TTN: variants seen among roughly 807,000 people sequenced by gnomAD.
TTN encodes connectin.
TTN carries 1,525 observed loss-of-function variants against 3,223.0 expected under a neutral mutation model. The observed-to-expected ratio is 0.47, with a 90% CI of 0.45 to 0.49. The LOEUF is 0.49. Ranked by LOEUF, TTN falls within the 20% of genes least tolerant of loss-of-function variation. The pLI, the probability that TTN is intolerant of heterozygous loss-of-function variation, is 0.00. For missense variants in TTN, 40,786 were observed against 43,424.0 expected (o/e 0.94, Z 5.40); for synonymous variants, 14,094 against 15,161.0 (o/e 0.93, Z 5.17).
At position 178,591,257 on chromosome 2, in the gene TTN, T is replaced by C; in HGVS notation, c.60468A>G (p.Ala20156=). The C allele has an allele frequency of 6.2e-7, 1 of 1,613,362 alleles. No individual in the cohort carries two copies. The highest frequency in any genetic ancestry group is 1.1e-5 in the South Asian group (1 of 91,024). Residue 20156 remains alanine, a synonymous_variant, in exon 304 of 363, where the codon GCA becomes GCG. Coordinates refer to ENST00000589042, the MANE Select transcript of TTN (RefSeq NM_001267550.2). ...TGEYQITVSN[A]AGSKTVAVHL... ...GTACGGCTACTGTTTTGCTACCGGC[T>C]GCATTGGAAACTGTGATTTGATATT...
rs2154137413 is a variant in TTN at position 178,536,375 on chromosome 2, T to C, written c.100372A>G (p.Ile33458Val). ...CGAAACTCGTATTCAAGACCTTCAA[T>C]AAGGTTTTTCACTGAAAAGACAGTT... ...RETVFSVKNLIEGLEYEFRVK... is the reference protein window; with the variant it reads ...RETVFSVKNLVEGLEYEFRVK... The change falls in exon 357 of 363, where the codon ATT (isoleucine) becomes GTT (valine). Residue 33458 changes from isoleucine to valine, a missense_variant. Ile to Val is a conservative substitution (Grantham distance 29, BLOSUM62 3). Coordinates refer to ENST00000589042, the MANE Select transcript of TTN (RefSeq NM_001267550.2). 1 of 1,613,780 alleles carries C rather than the reference T, an allele frequency of 6.2e-7. No homozygotes were observed. The highest frequency in any genetic ancestry group is 2.2e-5 in the East Asian group (1 of 44,870).
Position 178,553,411 on chromosome 2 carries a change from TGGATACATACA to T in TTN, c.89504-26_89504-16del. 6.3e-7 allele frequency: 1 copy of T among 1,582,416 alleles called. No homozygotes were observed. The highest frequency in any genetic ancestry group is 8.6e-7 in the Non-Finnish European group (1 of 1,164,662). ...CTCTGGTGCCTCTGTAGACATAAAA[TGGATACATACA>T]GTGAATTTTAAAAGCAAAAAAGAGT... On this transcript the variant is annotated splice_polypyrimidine_tract_variant and intron_variant, in intron 334 of 362. Transcript: ENST00000589042.
intron 67 of TTN, 70 bp downstream of exon 67, chr2:178,728,040 C>T: frequency 1.4e-6 from 2 of 1,464,432 alleles, no homozygotes; most frequent in South Asian, 3.0e-5. Flanking sequence ...CTAAAGGATA[C>T]AAAGGCAAGA....
At chr2:178,778,558 C>G (rs1173776640) in intron 24 of TTN, 3 of 378,272 alleles carry the variant, frequency 7.9e-6, no homozygotes, top group Non-Finnish European at 1.5e-5. Context: ...TATTTCCAAA[C>G]CAATAATAGT....
intron 135 of TTN, among the ~76,000 whole-genome samples, chr2:178,682,051 A>G (rs975768064): frequency 1.3e-5 from 2 of 151,986 alleles, no homozygotes; most frequent in African/African-American, 4.8e-5. Flanking sequence ...ATGTTCTCAA[A>G]GTTGGGCTAT....
rs1031526299 is a variant in TTN, at chr2:178,587,315, G to A, written c.63896C>T (p.Thr21299Ile). The A allele has an allele frequency of 2.5e-6, 4 of 1,612,676 alleles. No individual in the cohort carries two copies. In the African/African-American group the frequency reaches 5.3e-5, roughly 22 times the overall value. Residue 21299 changes from threonine to isoleucine, a missense_variant, in exon 307 of 363, where the codon ACA (threonine) becomes ATA (isoleucine). Thr to Ile is a moderately conservative substitution (Grantham distance 89). Coordinates refer to ENST00000589042, the MANE Select transcript of TTN (RefSeq NM_001267550.2). ...CTCACGTTTCTCCACGATATAATGT[G>A]TCACTTGGCTCCCACCGTCGTTTTC... ...PPENDGGSQV[T>I]HYIVEKREAD...
At chr2:178,543,793 G>T in intron 346 of TTN, 41 bp downstream of exon 346, 2 of 1,602,394 alleles carry the variant, frequency 1.2e-6, no homozygotes, top group Middle Eastern at 1.7e-4. Context: ...TGTTTTAGAG[G>T]ATCTACTCAT....
At chr2:178,682,260 A>G (rs1402627460) in intron 135 of TTN, among the ~76,000 whole-genome samples, 1 of 152,022 alleles carries the variant, frequency 6.6e-6, no homozygotes, top group African/African-American at 2.4e-5. Flanking sequence ...TCAAGTTTTG[A>G]TAATGGGAAC....
Position 178,546,307 on chromosome 2 carries a change from A to G in TTN, c.95024T>C (p.Ile31675Thr). Reference sequence around the variant, plus strand: ...ACTGTCACTTCTGTCACAGAACTTGATCACAGCAGTTGCTCGTTTGCCAGT... The same window carrying G: ...ACTGTCACTTCTGTCACAGAACTTGGTCACAGCAGTTGCTCGTTTGCCAGT... ...QYTGKRATAVIKFCDRSDSGK... is the reference protein window; with the variant it reads ...QYTGKRATAVTKFCDRSDSGK... Residue 31675 changes from isoleucine (I) to threonine (T), a missense_variant, in exon 342 of 363, where the codon ATC becomes ACC. By Grantham distance (89) the Ile-to-Thr change is moderately conservative. Transcript: ENST00000589042. 6.2e-7 allele frequency: 1 copy of G among 1,613,854 alleles called. No individual in the cohort carries two copies. The highest frequency in any genetic ancestry group is 8.5e-7 in the Non-Finnish European group (1 of 1,179,782).
rs748796464 is a variant in TTN, at chr2:178,538,552, T to C, written c.99277A>G (p.Thr33093Ala). 4.3e-6 allele frequency: 7 copies of C among 1,610,688 alleles called. No individual in the cohort carries two copies. Among genetic ancestry groups the C allele is most frequent in the South Asian group, 1.1e-5 (1 of 90,620 alleles). The change falls in exon 354 of 363, where the codon ACT becomes GCT. Residue 33093 changes from threonine to alanine, a missense_variant. Physicochemically the swap from Thr to Ala is moderately conservative, Grantham distance 58. Transcript: ENST00000589042. The stretch of plus-strand genomic sequence containing the variant: ...AAAGGCTACTTACATGTGAGTTTAG[T>C]CTTTATAGACATAGCAGTTCTGCGA... ...RPRRTAMSIK[T>A]KLTSGEAPGI...
In TTN at chr2:178,534,160, T is replaced by C; in HGVS notation, c.102455A>G (p.His34152Arg). Residue 34152 changes from histidine to arginine, a missense_variant, in exon 358 of 363, where the codon CAT becomes CGT. By Grantham distance (29) the His-to-Arg change is conservative. Coordinates refer to ENST00000589042, the MANE Select transcript of TTN (RefSeq NM_001267550.2). The part of the protein sequence containing the change: ...IMHAVGEEGG[H>R]VKYVCKIENY... ...TTCAATTTTGCATACATATTTGACA[T>C]GTCCTCCTTCTTCACCAACTGCATG... 3 of 1,613,978 alleles carry C rather than the reference T, an allele frequency of 1.9e-6. No homozygotes were observed. Among genetic ancestry groups the C allele is most frequent in the South Asian group, 1.1e-5 (1 of 91,090 alleles).
Position 178,598,007 on chromosome 2 carries a change from C to G in TTN, c.57163G>C (p.Glu19055Gln). ...ACTCTAAATTTGTAGAATGCTCCTT[C>G]CTTTAATCCTGTCACAACAAGCTTT... is the stretch of plus-strand genomic sequence containing the variant. ...GTKLVVTGLK[E>Q]GAFYKFRVRA... Residue 19055 changes from glutamate to glutamine, a missense_variant, in exon 293 of 363, where the codon GAA becomes CAA. Glu to Gln is a conservative substitution (Grantham distance 29). Coordinates refer to ENST00000589042, the MANE Select transcript of TTN (RefSeq NM_001267550.2). 1 of 1,613,392 alleles carries G rather than the reference C, an allele frequency of 6.2e-7. No homozygotes were observed. The highest frequency in any genetic ancestry group is 8.5e-7 in the Non-Finnish European group (1 of 1,179,560).
Position 178,587,819 on chromosome 2 carries a change from T to A in TTN, c.63509-19A>T. Reference sequence around the variant, plus strand: ...GGAGGTTCTGCAAATGACATTAAGGTCATTAATTGATTTTTCAGAATGTGG... The same window carrying A: ...GGAGGTTCTGCAAATGACATTAAGGACATTAATTGATTTTTCAGAATGTGG... On this transcript the variant is annotated intron_variant, in intron 305 of 362. Coordinates refer to ENST00000589042, the MANE Select transcript of TTN (RefSeq NM_001267550.2). 1.3e-6 allele frequency: 2 copies of A among 1,572,988 alleles called. No individual in the cohort carries two copies. The highest frequency in any genetic ancestry group is 1.7e-6 in the Non-Finnish European group (2 of 1,159,310).
chr2:178,683,974 T>G, intron 133 of TTN, 25 bp downstream of exon 133: 1 of 1,537,992 alleles, frequency 6.5e-7, no homozygotes, highest in Non-Finnish European at 8.7e-7. Context: ...TTTGATTTTT[T>G]TTTTTTTTTT....
rs1060500452 is a variant in TTN at position 178,582,389 on chromosome 2, C to T, written c.66067G>A (p.Gly22023Ser). The T allele has an allele frequency of 1.9e-6, 3 of 1,612,638 alleles. No homozygotes were observed. The African/African-American group carries it at 4.0e-5, about 22-fold the overall frequency. ...CAAATACGGAACTGATACTCATGGC[C>T]CTCTATAAGTTTCTCCACGCTGCAG... Reference protein sequence around the residue: ...TSCSVEKLIEGHEYQFRICAE... With the variant: ...TSCSVEKLIESHEYQFRICAE... The change falls in exon 314 of 363, where the codon GGC (glycine) becomes AGC (serine). Residue 22023 changes from glycine to serine, a missense_variant. By Grantham distance (56) the Gly-to-Ser change is moderately conservative. Transcript: ENST00000589042.
In TTN at chr2:178,593,670, G is replaced by C. The variant is rs772132591; in HGVS notation, c.58630C>G (p.Leu19544Val). 6 of 1,613,186 alleles carry C rather than the reference G, an allele frequency of 3.7e-6. No individual in the cohort carries two copies. The South Asian group carries it at 6.6e-5, about 18-fold the overall frequency. The stretch of plus-strand genomic sequence containing the variant: ...AAAATATAATCTTTTCCTTCAAGTA[G>C]TTTAGAAACTTTGCATGTTGTTTTA... ...SAKTTCKVSK[L>V]LEGKDYIFRI... The change falls in exon 298 of 363, where the codon CTA becomes GTA. Residue 19544 changes from leucine to valine, a missense_variant. Transcript: ENST00000589042.
Position 178,564,529 on chromosome 2 carries a change from T to A in TTN, c.81603A>T (p.Lys27201Asn). 1 of 1,613,130 alleles carries A rather than the reference T, an allele frequency of 6.2e-7. No homozygotes were observed. The highest frequency in any genetic ancestry group is 8.5e-7 in the Non-Finnish European group (1 of 1,179,536). ...TCTTTTCTACAATATAACCTGTTAT[T>A]TTGCTACCACCATCATAGGCAGGTT... ...WKKPAYDGGSKITGYIVEKKD... is the reference protein window; with the variant it reads ...WKKPAYDGGSNITGYIVEKKD... The change falls in exon 326 of 363, where the codon AAA becomes AAT. Residue 27201 changes from lysine (K) to asparagine (N), a missense_variant. Transcript: ENST00000589042.
At chr2:178,705,046 T>G in intron 103 of TTN, 80 bp from the exon 104 acceptor site, 1 of 1,566,128 alleles carries the variant, frequency 6.4e-7, no homozygotes, top group East Asian at 2.2e-5. Context: ...TCAGCTTCCA[T>G]TCTGGATGCT....
In TTN at chr2:178,584,544, G is replaced by T; in HGVS notation, c.65007C>A (p.Thr21669=). 6.2e-7 allele frequency: 1 copy of T among 1,612,680 alleles called. No individual in the cohort carries two copies. Among genetic ancestry groups the T allele is most frequent in the Non-Finnish European group, 8.5e-7 (1 of 1,179,162 alleles). ...CAAAAATACAGTCCTTGTTGACTTT[G>T]GTGACTCGTGCATTCTTTGGTTCAC... is the stretch of plus-strand genomic sequence containing the variant. ...VPSEPKNARV[T]KVNKDCIFVA... Residue 21669 remains threonine (T), a synonymous_variant, in exon 311 of 363, where the codon ACC becomes ACA. Coordinates refer to ENST00000589042, the MANE Select transcript of TTN (RefSeq NM_001267550.2).
Sources: allele counts gnomAD v4.1 joint callset (sites outside exome capture counted in the v4.1 genomes callset), GRCh38; gene constraint gnomAD v4.1.1; transcripts MANE v1.5; gene names NCBI Gene and HGNC (gene_info 2026-07-23, HGNC 2026-07-21).